Variants in LRIF1 observed in about 807,000 individuals in gnomAD.
LRIF1 encodes ligand-dependent nuclear receptor-interacting factor 1.
Under a neutral mutation model 52.7 loss-of-function variants are expected in LRIF1, and 32 were observed. The observed-to-expected ratio is 0.61, with a 90% CI of 0.46 to 0.82. The LOEUF (loss-of-function observed/expected upper bound fraction) is 0.82, where lower values mean the gene tolerates loss of function less well. LRIF1 is among the 40% of genes least tolerant of loss of function. The pLI, the probability that LRIF1 is intolerant of heterozygous loss-of-function variation, is 0.00. For synonymous variants in LRIF1, 323 were observed against 317.4 expected (o/e 1.02, Z -0.19); for missense variants, 887 against 892.0 (o/e 0.99, Z 0.07).
intron 1 of LRIF1, among the ~76,000 whole-genome samples, chr1:110,958,990 A>AAGG (rs1342441580): frequency 6.6e-6 from 1 of 152,226 alleles, no homozygotes; most frequent in Non-Finnish European, 1.5e-5. Flanking sequence ...TCATATCTAG[A>AAGG]AGGAGCCTTC....
chr1:110,954,692 T>C lies in LRIF1; in HGVS notation c.69-1877A>G, dbSNP rs377278707. On this transcript the variant is annotated intron_variant, in intron 1 of 3. Transcript: ENST00000369763. ...TCATTACACAAAAATTTACCAAGTG[T>C]CTGTTTTAAGTTAAGCACCAGGCTC... Among the ~76,000 whole-genome samples, 6 of 152,162 alleles carry C rather than the reference T, an allele frequency of 3.9e-5. No homozygotes were observed. In the East Asian group the frequency reaches 5.8e-4, roughly 15 times the overall value.
chr1:110,951,416 T>C lies in LRIF1; in HGVS notation c.1468A>G (p.Arg490Gly). Reference sequence around the variant, plus strand: ...GCATAAATGACGGCTGTTACTTTTCTGGGGGCATTGTGTCCTGTACTAAAT... The same window carrying C: ...GCATAAATGACGGCTGTTACTTTTCCGGGGGCATTGTGTCCTGTACTAAAT... ...VGFSTGHNAP[R>G]KVTAVIYARK... The change falls in exon 2 of 4, where the codon AGA becomes GGA. Residue 490 changes from arginine to glycine, a missense_variant. By Grantham distance (125) the Arg-to-Gly change is moderately radical. Coordinates refer to ENST00000369763, the MANE Select transcript of LRIF1 (RefSeq NM_018372.4). 6.2e-7 allele frequency: 1 copy of C among 1,614,142 alleles called. No homozygotes were observed. Among genetic ancestry groups the C allele is most frequent in the Non-Finnish European group, 8.5e-7 (1 of 1,180,004 alleles).
the LRIF1 span, among the ~76,000 whole-genome samples, chr1:110,912,765 T>C: frequency 2.4e-4 from 36 of 152,250 alleles, no homozygotes; most frequent in African/African-American, 7.5e-4. Flanking sequence ...CCAAAGCAAT[T>C]TGTAGATTAG....
At chr1:110,909,197 A>T in the LRIF1 span, among the ~76,000 whole-genome samples, 2 of 152,192 alleles carry the variant, frequency 1.3e-5, no homozygotes, top group South Asian at 4.1e-4. Flanking sequence ...TTACCACCAG[A>T]CCTGCCTTAC....
the LRIF1 span, chr1:110,894,422 C>G: frequency 6.4e-7 from 1 of 1,564,190 alleles, no homozygotes; most frequent in Non-Finnish European, 8.8e-7. Context: ...AAGACAACAA[C>G]TTATTGTCTT....
chr1:110,891,039 G>A, the LRIF1 span, among the ~76,000 whole-genome samples: 1 of 152,242 alleles, frequency 6.6e-6, no homozygotes, highest in Non-Finnish European at 1.5e-5. Flanking sequence ...GACTTCAAGG[G>A]CTTAAGTGCC....
chr1:110,918,007 T>G, the LRIF1 span, among the ~76,000 whole-genome samples: 37 of 152,188 alleles, frequency 2.4e-4, no homozygotes, highest in Non-Finnish European at 4.3e-4. Flanking sequence ...ATATGTAAGA[T>G]TATCTTAATA....
chr1:110,880,411 C>T, the LRIF1 span: 1 of 152,054 alleles, frequency 6.6e-6, no homozygotes, highest in Non-Finnish European at 1.5e-5. Flanking sequence ...AGAGGTTCTT[C>T]TTCCTGTCTG....
the LRIF1 span, among the ~76,000 whole-genome samples, chr1:110,906,917 T>C: frequency 6.6e-6 from 1 of 152,232 alleles, no homozygotes; most frequent in Non-Finnish European, 1.5e-5. Context: ...TTTAAAAATA[T>C]TGATACATAT....
chr1:110,902,179 C>T, the LRIF1 span, among the ~76,000 whole-genome samples: 4 of 152,164 alleles, frequency 2.6e-5, no homozygotes, highest in African/African-American at 9.7e-5. Context: ...AATAATGACA[C>T]TTTTATGCTT....
At chr1:110,903,376 C>G in the LRIF1 span, among the ~76,000 whole-genome samples, 1 of 152,132 alleles carries the variant, frequency 6.6e-6, no homozygotes, top group Non-Finnish European at 1.5e-5. Flanking sequence ...CTTCCTTCTG[C>G]TTAAGGAGAG....
At chr1:110,940,328 T>A in the LRIF1 span, 2 of 152,070 alleles carry the variant, frequency 1.3e-5, no homozygotes, top group East Asian at 1.9e-4. Flanking sequence ...AGACAGGCAA[T>A]AACAAATGCT....
At chr1:110,959,622 C>T (rs1295874079) in intron 1 of LRIF1, among the ~76,000 whole-genome samples, 12 of 151,124 alleles carry the variant, frequency 7.9e-5, no homozygotes, top group South Asian at 2.1e-4. Context: ...TGGTGGCACA[C>T]GCCTGTAGTC....
chr1:110,904,224 G>A, the LRIF1 span, among the ~76,000 whole-genome samples: 732 of 152,332 alleles, frequency 4.8e-3, 13 homozygotes, highest in African/African-American at 0.017. Flanking sequence ...AGAGAAGGAC[G>A]CAGGCCTGGT....
chr1:110,918,764 CA>C, the LRIF1 span, among the ~76,000 whole-genome samples: 1 of 152,120 alleles, frequency 6.6e-6, no homozygotes, highest in Non-Finnish European at 1.5e-5. Context: ...GTACAGAAGT[CA>C]GAGGAAGAAC....
chr1:110,936,041 T>C, the LRIF1 span, among the ~76,000 whole-genome samples: 1 of 152,068 alleles, frequency 6.6e-6, no homozygotes, highest in Non-Finnish European at 1.5e-5. Context: ...GAGAGTGGCA[T>C]GACATATTTA....
chr1:110,955,452 A>G (rs1011294381), intron 1 of LRIF1, among the ~76,000 whole-genome samples: 1 of 152,234 alleles, frequency 6.6e-6, no homozygotes, highest in Non-Finnish European at 1.5e-5. Context: ...TTCCCTGCTT[A>G]AAACATTGCA....
At chr1:110,906,069 G>A in the LRIF1 span, among the ~76,000 whole-genome samples, 2 of 151,848 alleles carry the variant, frequency 1.3e-5, no homozygotes, top group South Asian at 4.1e-4. Flanking sequence ...CATATCATCA[G>A]AGAAAAATCT....
At chr1:110,891,430 C>T in the LRIF1 span, 16 of 1,613,802 alleles carry the variant, frequency 9.9e-6, no homozygotes, top group African/African-American at 1.3e-5. Context: ...TAGCTTGAAA[C>T]TGCTGAAGTA....
Sources: allele counts gnomAD v4.1 joint callset (sites outside exome capture counted in the v4.1 genomes callset), GRCh38; gene constraint gnomAD v4.1.1; transcripts MANE v1.5; gene names NCBI Gene and HGNC (gene_info 2026-07-23, HGNC 2026-07-21).